Variants in TCERG1L observed in about 807,000 individuals in gnomAD.
TCERG1L encodes the protein transcription elongation regulator 1 like.
In TCERG1L, 37 loss-of-function variants were observed where a neutral mutation model predicts 56.3. The observed-to-expected ratio is 0.66, with a 90% CI of 0.51 to 0.87. The LOEUF is 0.87. TCERG1L is among the 40% of genes least tolerant of loss of function. TCERG1L has a pLI of 0.00. For synonymous variants in TCERG1L, 324 were observed against 326.3 expected (o/e 0.99, Z 0.08); for missense variants, 799 against 774.2 (o/e 1.03, Z -0.38).
At chr10:131,119,599 A>G (rs1309072040) in intron 8 of TCERG1L, among the ~76,000 whole-genome samples, 1 of 152,254 alleles carries the variant, frequency 6.6e-6, no homozygotes, top group African/African-American at 2.4e-5. Flanking sequence ...TATTCAGCAC[A>G]ATACTCTGTG....
intron 4 of TCERG1L, among the ~76,000 whole-genome samples, chr10:131,251,849 G>C (rs920248672): frequency 5.3e-5 from 8 of 152,132 alleles, no homozygotes; most frequent in African/African-American, 1.7e-4. Flanking sequence ...CACATTGGCA[G>C]TACTTAACGC....
chr10:131,159,361 C>A (rs1230538583), intron 6 of TCERG1L, among the ~76,000 whole-genome samples: 1 of 152,138 alleles, frequency 6.6e-6, no homozygotes, highest in Non-Finnish European at 1.5e-5. Flanking sequence ...TTGTTGAGGC[C>A]CCTCCCCAAT....
intron 8 of TCERG1L, among the ~76,000 whole-genome samples, chr10:131,117,848 A>G (rs570067255): frequency 6.6e-6 from 1 of 152,366 alleles, no homozygotes; most frequent in South Asian, 2.1e-4. Context: ...AAGCATCTAG[A>G]AATATCCTTT....
At chr10:131,205,274 A>C (rs949148406) in intron 4 of TCERG1L, among the ~76,000 whole-genome samples, 2 of 152,148 alleles carry the variant, frequency 1.3e-5, no homozygotes, top group Admixed American at 6.5e-5. Flanking sequence ...TGTGAGGCAC[A>C]AATCAGATGC....
chr10:131,305,090 C>A (rs1287037668), intron 3 of TCERG1L, among the ~76,000 whole-genome samples: 5 of 152,120 alleles, frequency 3.3e-5, no homozygotes, highest in African/African-American at 1.2e-4. Flanking sequence ...CCACAGAGGC[C>A]TTCCCTGAGG....
intron 3 of TCERG1L, among the ~76,000 whole-genome samples, chr10:131,287,542 T>C (rs150577427): frequency 2.0e-5 from 3 of 152,294 alleles, no homozygotes; most frequent in African/African-American, 4.8e-5. Context: ...TCTGGGGACA[T>C]AACCATTTTT....
At chr10:131,122,035 G>A (rs1386536285) in intron 8 of TCERG1L, among the ~76,000 whole-genome samples, 1 of 152,210 alleles carries the variant, frequency 6.6e-6, no homozygotes, top group Non-Finnish European at 1.5e-5. Context: ...CTTCTAACAA[G>A]TGACCGCACC....
At chr10:131,178,641 G>C (rs1845137426) in intron 4 of TCERG1L, among the ~76,000 whole-genome samples, 1 of 152,132 alleles carries the variant, frequency 6.6e-6, no homozygotes, top group African/African-American at 2.4e-5. Flanking sequence ...GGTCTCCCCA[G>C]CACCTGGGAG....
At chr10:131,127,775 G>A (rs1845578337) in intron 8 of TCERG1L, among the ~76,000 whole-genome samples, 2 of 152,228 alleles carry the variant, frequency 1.3e-5, no homozygotes, top group African/African-American at 2.4e-5. Context: ...CAGACTCTAG[G>A]ATGGAGTCCC....
chr10:131,283,909 G>A (rs563621416), intron 3 of TCERG1L, among the ~76,000 whole-genome samples: 8 of 152,158 alleles, frequency 5.3e-5, no homozygotes, highest in Admixed American at 3.3e-4. Context: ...GATCACTTGA[G>A]GTCAGGAGTT....
intron 3 of TCERG1L, among the ~76,000 whole-genome samples, chr10:131,271,550 G>A (rs976948412): frequency 1.6e-4 from 24 of 152,240 alleles, no homozygotes; most frequent in African/African-American, 4.8e-4. Flanking sequence ...GCGTGCTGGC[G>A]TCATGGGCTC....
At chr10:131,252,278 C>T (rs926719242) in intron 4 of TCERG1L, among the ~76,000 whole-genome samples, 1 of 152,166 alleles carries the variant, frequency 6.6e-6, no homozygotes, top group Non-Finnish European at 1.5e-5. Context: ...CATGGTAATA[C>T]TATGTGTAAC....
chr10:131,257,103 C>G (rs1013945224), intron 4 of TCERG1L, among the ~76,000 whole-genome samples: 5 of 151,790 alleles, frequency 3.3e-5, no homozygotes, highest in Admixed American at 1.3e-4. Flanking sequence ...GGAACAGGAG[C>G]AGGCTCTGCC....
chr10:131,135,212 C>T (rs190086745), intron 7 of TCERG1L, among the ~76,000 whole-genome samples: 143 of 152,230 alleles, frequency 9.4e-4, no homozygotes, highest in Non-Finnish European at 1.7e-3. Flanking sequence ...CTACCTCTGG[C>T]TTATTCCGCC....
chr10:131,273,626 T>C (rs1589768794), intron 3 of TCERG1L, among the ~76,000 whole-genome samples: 1 of 152,172 alleles, frequency 6.6e-6, no homozygotes, highest in Non-Finnish European at 1.5e-5. Context: ...GCTCCCTCAT[T>C]TGCCGAGAGG....
chr10:131,263,967 A>G (rs1226648008), intron 3 of TCERG1L, among the ~76,000 whole-genome samples: 1 of 145,714 alleles, frequency 6.9e-6, no homozygotes, highest in African/African-American at 2.5e-5. Context: ...GAAGGAAAAG[A>G]TGGTATCAGA....
rs533668004 is a variant in TCERG1L, at chr10:131,107,597, A to G, written c.1396-3243T>C. 2.1e-3 allele frequency among the ~76,000 whole-genome samples: 318 copies of G among 152,184 alleles called. 2 individuals carry two copies. The highest frequency in any genetic ancestry group is 7.5e-3 in the African/African-American group (312 of 41,514). On this transcript the variant is annotated intron_variant, in intron 9 of 11. Transcript: ENST00000368642. ...CAGGTGGGCGCAGGACTTCTCCCAA[A>G]GGGTCCTGACAGGTATGGGGACGAG...
intron 6 of TCERG1L, among the ~76,000 whole-genome samples, chr10:131,153,813 C>A (rs952265830): frequency 7.9e-5 from 12 of 152,170 alleles, no homozygotes; most frequent in Admixed American, 6.5e-4. Context: ...AGAGATTACA[C>A]CCAGGAGGAG....
intron 9 of TCERG1L, 79 bp downstream of exon 9, chr10:131,116,720 C>T (rs1845462308): frequency 5.9e-6 from 9 of 1,530,394 alleles, no homozygotes; most frequent in Non-Finnish European, 7.9e-6. Flanking sequence ...GGAGGCGACC[C>T]TCAGGCAGGG....
Sources: gnomAD v4.1 joint callset for allele counts (sites outside exome capture counted in the v4.1 genomes callset) on GRCh38, gnomAD v4.1.1 for gene constraint, MANE v1.5 for transcripts, NCBI Gene and HGNC (gene_info 2026-07-23, HGNC 2026-07-21) for gene names.